The following VPS13B variants were observed in gnomAD, a reference collection of about 807,000 sequenced individuals.
VPS13B encodes intermembrane lipid transfer protein VPS13B.
A neutral mutation model predicts 426.4 loss-of-function variants in VPS13B; 285 were observed. The ratio of observed to expected loss-of-function variants is 0.67; its 90% CI spans 0.61 to 0.74. The LOEUF (loss-of-function observed/expected upper bound fraction) is 0.74, where lower values mean the gene tolerates loss of function less well. VPS13B is among the 30% of genes least tolerant of loss of function. The pLI, the probability that VPS13B is intolerant of heterozygous loss-of-function variation, is 0.00. For synonymous variants in VPS13B, 1,676 were observed against 1,676.4 expected, an observed-to-expected ratio of 1.00 and a Z score of 0.01; for missense variants, 4,537 against 4,782.6, an observed-to-expected ratio of 0.95 and a Z score of 1.51.
At chr8:99,228,140 A>C (rs1356731865) in intron 17 of VPS13B, among the ~76,000 whole-genome samples, 1 of 152,242 alleles carries the variant, frequency 6.6e-6, no homozygotes, top group Admixed American at 6.5e-5. Context: ...TAAAAAAATA[A>C]AATGGCTTAA....
At chr8:99,723,931 C>T (rs996861346) in intron 39 of VPS13B, among the ~76,000 whole-genome samples, 9 of 152,076 alleles carry the variant, frequency 5.9e-5, no homozygotes, top group Admixed American at 2.6e-4. Context: ...CAACTTGGAT[C>T]GAGGAACAGA....
At chr8:99,703,666 C>T (rs892527032) in intron 36 of VPS13B, among the ~76,000 whole-genome samples, 9 of 152,096 alleles carry the variant, frequency 5.9e-5, no homozygotes, top group Non-Finnish European at 1.2e-4. Context: ...GTATATACAA[C>T]GCAATCATTT....
At chr8:99,269,818 A>G (rs1818482595) in intron 17 of VPS13B, among the ~76,000 whole-genome samples, 1 of 152,080 alleles carries the variant, frequency 6.6e-6, no homozygotes, top group Non-Finnish European at 1.5e-5. Flanking sequence ...TTTCAGTTTG[A>G]TGGTAGAGTG....
chr8:99,493,669 C>T (rs530765536), intron 25 of VPS13B, among the ~76,000 whole-genome samples: 2 of 151,448 alleles, frequency 1.3e-5, no homozygotes, highest in African/African-American at 2.4e-5. Flanking sequence ...CCTGTAATCC[C>T]GATTCGGGAG....
intron 19 of VPS13B, among the ~76,000 whole-genome samples, chr8:99,280,716 A>G (rs1819129128): frequency 6.6e-6 from 1 of 152,196 alleles, no homozygotes; most frequent in African/African-American, 2.4e-5. Flanking sequence ...TCTGTAAGAC[A>G]GTTCTAATTA....
chr8:99,839,721 G>A (rs1815581351), intron 54 of VPS13B, among the ~76,000 whole-genome samples: 1 of 152,146 alleles, frequency 6.6e-6, no homozygotes, highest in Admixed American at 6.5e-5. Flanking sequence ...CAAAGCACAG[G>A]TTAGAAGAGA....
chr8:99,811,558 C>G (rs1490523711), intron 44 of VPS13B, among the ~76,000 whole-genome samples: 1 of 152,110 alleles, frequency 6.6e-6, no homozygotes, highest in East Asian at 1.9e-4. Flanking sequence ...GTCCAGGGAC[C>G]ACAATTTGAC....
intron 3 of VPS13B, among the ~76,000 whole-genome samples, chr8:99,055,638 G>T (rs1247167240): frequency 6.6e-6 from 1 of 151,980 alleles, no homozygotes; most frequent in Non-Finnish European, 1.5e-5. Flanking sequence ...ATTATTTTGG[G>T]TGCTATTGTA....
intron 33 of VPS13B, among the ~76,000 whole-genome samples, chr8:99,630,096 C>G (rs1415548850): frequency 6.6e-6 from 1 of 152,054 alleles, no homozygotes; most frequent in East Asian, 1.9e-4. Flanking sequence ...GACATGGTGC[C>G]TGAGAATCTC....
intron 33 of VPS13B, among the ~76,000 whole-genome samples, chr8:99,606,517 A>AAAAAGG (rs1233797049): frequency 6.6e-6 from 1 of 150,558 alleles, no homozygotes; most frequent in Non-Finnish European, 1.5e-5. Context: ...AAAAAAAAGA[A>AAAAAGG]AAAAGAAAAA....
intron 11 of VPS13B, 144 bp downstream of exon 11, chr8:99,135,877 A>G: frequency 8.7e-7 from 1 of 1,150,194 alleles, no homozygotes; most frequent in South Asian, 1.5e-5. Context: ...GCATTTATAC[A>G]GTATACATGT....
intron 21 of VPS13B, among the ~76,000 whole-genome samples, chr8:99,426,000 C>T (rs1232166635): frequency 1.3e-4 from 19 of 150,878 alleles, no homozygotes; most frequent in Admixed American, 5.9e-4. Flanking sequence ...CATGCTGGTG[C>T]GCTGCACCCA....
intron 3 of VPS13B, among the ~76,000 whole-genome samples, chr8:99,093,381 T>C (rs181259291): frequency 5.3e-5 from 8 of 151,954 alleles, no homozygotes; most frequent in African/African-American, 1.4e-4. Context: ...TTTTTTTATT[T>C]ATTTATTATT....
chr8:99,436,749 T>G (rs1305022937), intron 22 of VPS13B, among the ~76,000 whole-genome samples: 2 of 152,146 alleles, frequency 1.3e-5, no homozygotes, highest in East Asian at 3.8e-4. Context: ...TATCTTATTT[T>G]ATTTTTTTGA....
intron 19 of VPS13B, among the ~76,000 whole-genome samples, chr8:99,290,674 A>C (rs1356128784): frequency 2.0e-5 from 3 of 152,028 alleles, no homozygotes; most frequent in African/African-American, 4.8e-5. Context: ...AAAAAAGAAA[A>C]AAAAGGTAGT....
intron 19 of VPS13B, among the ~76,000 whole-genome samples, chr8:99,299,084 A>C (rs1317338329): frequency 2.5e-5 from 3 of 117,872 alleles, no homozygotes; most frequent in Non-Finnish European, 5.0e-5. Flanking sequence ...TTTTTGAGAC[A>C]GAGTTTCACT....
intron 19 of VPS13B, among the ~76,000 whole-genome samples, chr8:99,350,501 TTAG>T (rs1462373439): frequency 6.6e-6 from 1 of 152,172 alleles, no homozygotes; most frequent in Non-Finnish European, 1.5e-5. Flanking sequence ...GAGTTTGATC[TTAG>T]TAGGGAGGTT....
chr8:99,341,099 C>A, intron 19 of VPS13B: 1 of 276,046 alleles, frequency 3.6e-6, no homozygotes, highest in South Asian at 5.2e-5. Context: ...CATCCACCAT[C>A]TCCTTACAAA....
intron 7 of VPS13B, among the ~76,000 whole-genome samples, chr8:99,118,499 A>T (rs531544557): frequency 6.6e-6 from 1 of 152,294 alleles, no homozygotes; most frequent in African/African-American, 2.4e-5. Flanking sequence ...ATAGGTCATT[A>T]ACATCTGAGA....
Sources: gnomAD v4.1 joint callset for allele counts (sites outside exome capture counted in the v4.1 genomes callset) on GRCh38, gnomAD v4.1.1 for gene constraint, MANE v1.5 for transcripts, NCBI Gene and HGNC (gene_info 2026-07-23, HGNC 2026-07-21) for gene names.